The following MED12L variants were observed in gnomAD, a reference collection of about 807,000 sequenced individuals.
The protein encoded by MED12L is mediator of RNA polymerase II transcription subunit 12-like protein.
A neutral mutation model predicts 281.3 loss-of-function variants in MED12L; 60 were observed. The observed-to-expected ratio is 0.21, with a 90% CI of 0.17 to 0.26. The LOEUF (loss-of-function observed/expected upper bound fraction) is 0.26, where lower values mean the gene tolerates loss of function less well. MED12L is among the 10% of genes least tolerant of loss of function. MED12L has a pLI of 1.00. For missense variants in MED12L, 2,146 were observed against 2,680.9 expected (o/e 0.80, Z 4.41); for synonymous variants, 974 against 987.2 (o/e 0.99, Z 0.25).
At chr3:151,334,271 G>A (rs145474326) in intron 16 of MED12L, among the ~76,000 whole-genome samples, 167 of 131,752 alleles carry the variant, frequency 1.3e-3, no homozygotes, top group African/African-American at 3.8e-3. Flanking sequence ...AAAAAAAGGC[G>A]ATTTCTCACT....
intron 22 of MED12L, 54 bp downstream of exon 22, chr3:151,365,260 G>T: frequency 6.9e-7 from 1 of 1,451,798 alleles, no homozygotes; most frequent in Non-Finnish European, 9.7e-7. Context: ...TTGCCTTGGT[G>T]CTTCTTTGAA....
rs146810681 is a variant in MED12L at position 151,256,778 on chromosome 3, C to T, written c.2250+63112C>T. ...ATACAAGCAGAGCATTTTGTTAATA[C>T]TTTGTTAGTTCAGCTGACTGGTTAT... On this transcript the variant is annotated intron_variant, in intron 16 of 44. Transcript: ENST00000687756. 5.4e-3 allele frequency among the ~76,000 whole-genome samples: 768 copies of T among 142,028 alleles called. 12 individuals are homozygous for T. The highest frequency in any genetic ancestry group is 0.019 in the African/African-American group (716 of 38,190). The allele number at this position is 142,028 out of a possible 152,430, so 93.2% of individuals were successfully genotyped here.
At chr3:151,118,230 G>T (rs539159930) in intron 3 of MED12L, among the ~76,000 whole-genome samples, 9 of 151,648 alleles carry the variant, frequency 5.9e-5, no homozygotes, top group Admixed American at 1.3e-4. Flanking sequence ...CAAATGAAAA[G>T]AAATCAGACA....
In MED12L at chr3:151,369,559, T is replaced by G. The variant is rs767606974; in HGVS notation, c.3664+10T>G. 1 of 1,548,520 alleles carries G rather than the reference T, an allele frequency of 6.5e-7. No homozygotes were observed. Among genetic ancestry groups the G allele is most frequent in the Non-Finnish European group, 8.9e-7 (1 of 1,129,834 alleles). ...GCAATTATGATGCTTGGTAAGATTA[T>G]TCTGACCCTAAGCTTCTTGGTTAAT... On this transcript the variant is annotated intron_variant, in intron 26 of 44. Transcript: ENST00000687756.
At chr3:151,176,630 G>A (rs1576894686) in intron 11 of MED12L, among the ~76,000 whole-genome samples, 3 of 151,198 alleles carry the variant, frequency 2.0e-5, no homozygotes, top group Admixed American at 6.6e-5. Flanking sequence ...TTATCTGGGT[G>A]GGTGGGGGTG....
At chr3:151,287,963 T>C (rs1378413457) in intron 16 of MED12L, among the ~76,000 whole-genome samples, 1 of 152,196 alleles carries the variant, frequency 6.6e-6, no homozygotes, top group Non-Finnish European at 1.5e-5. Flanking sequence ...CAGAAAAAGT[T>C]TACCCTTTAT....
In MED12L at chr3:151,303,481, G is replaced by A. The variant is rs185036634; in HGVS notation, c.2251-46578G>A. 6.9e-4 allele frequency among the ~76,000 whole-genome samples: 105 copies of A among 152,254 alleles called. 1 individual carries two copies. The South Asian group carries it at 0.01, about 15-fold the overall frequency. ...TTGTTCAAGATGAAACTGCACAGTCGGCCATGCATGGTGGCTCACGCCTGT... is the reference window on the plus strand; with the variant it reads ...TTGTTCAAGATGAAACTGCACAGTCAGCCATGCATGGTGGCTCACGCCTGT... On this transcript the variant is annotated intron_variant, in intron 16 of 44. Transcript: ENST00000687756.
chr3:151,214,479 A>G, intron 16 of MED12L: 1 of 565,038 alleles, frequency 1.8e-6, no homozygotes, highest in Non-Finnish European at 3.1e-6. Context: ...TGTAAGTTAG[A>G]CACTCATCCC....
At chr3:151,364,194 A>T (rs979348910) in intron 21 of MED12L, among the ~76,000 whole-genome samples, 2 of 152,184 alleles carry the variant, frequency 1.3e-5, no homozygotes, top group African/African-American at 4.8e-5. Context: ...TTTTACATCA[A>T]ATCTTTCTGC....
intron 27 of MED12L, among the ~76,000 whole-genome samples, chr3:151,373,597 A>G (rs1370894413): frequency 6.6e-6 from 1 of 151,116 alleles, no homozygotes; most frequent in Non-Finnish European, 1.5e-5. Flanking sequence ...TCCCTTCATA[A>G]TATCAGTTTG....
chr3:151,175,263 T>C (rs1189899077), intron 11 of MED12L, among the ~76,000 whole-genome samples: 1 of 152,248 alleles, frequency 6.6e-6, no homozygotes, highest in Non-Finnish European at 1.5e-5. Context: ...TATTATTTAT[T>C]GGTGCTGTAA....
At chr3:151,320,206 T>A (rs1207984413) in intron 16 of MED12L, among the ~76,000 whole-genome samples, 6 of 152,200 alleles carry the variant, frequency 3.9e-5, no homozygotes, top group African/African-American at 7.2e-5. Flanking sequence ...TTTTTCTGTA[T>A]CACTAATCTC....
intron 16 of MED12L, chr3:151,214,374 C>T (rs1272877104): frequency 4.4e-6 from 6 of 1,378,712 alleles, no homozygotes; most frequent in Non-Finnish European, 6.0e-6. Context: ...ACTCATAGGG[C>T]ACTTATGGCC....
chr3:151,215,506 AATTAC>A (rs1379132781), intron 16 of MED12L, among the ~76,000 whole-genome samples: 70 of 152,318 alleles, frequency 4.6e-4, no homozygotes, highest in Middle Eastern at 3.4e-3. Context: ...GGAAATTTTA[AATTAC>A]ATATGTGTTT....
intron 11 of MED12L, among the ~76,000 whole-genome samples, chr3:151,171,367 G>A (rs935936371): frequency 6.6e-6 from 1 of 152,122 alleles, no homozygotes; most frequent in East Asian, 1.9e-4. Context: ...TGAGCACGGA[G>A]GCAGCTGCAT....
At chr3:151,161,623 G>A (rs143920107) in intron 8 of MED12L, among the ~76,000 whole-genome samples, 160 of 152,270 alleles carry the variant, frequency 1.1e-3, no homozygotes, top group Non-Finnish European at 1.6e-3. Flanking sequence ...TCTAGGCATC[G>A]TTCTAAGTTG....
chr3:151,183,956 G>T (rs1277589210), intron 11 of MED12L, among the ~76,000 whole-genome samples: 1 of 152,166 alleles, frequency 6.6e-6, no homozygotes, highest in Non-Finnish European at 1.5e-5. Flanking sequence ...GTCCTTCACT[G>T]GATTGACTTT....
intron 37 of MED12L, 100 bp from the exon 38 acceptor site, chr3:151,389,879 G>A: frequency 8.9e-7 from 1 of 1,124,824 alleles, no homozygotes; most frequent in Non-Finnish European, 1.3e-6. Flanking sequence ...TTTGTACATT[G>A]GGATAGGAGG....
At position 151,159,998 on chromosome 3, in the gene MED12L, G is replaced by C. The variant is rs1719773653; in HGVS notation, c.1004G>C (p.Gly335Ala). Residue 335 changes from glycine (G) to alanine (A), a missense_variant, in exon 8 of 45, where the codon GGC becomes GCC. By Grantham distance (60) the Gly-to-Ala change is moderately conservative. Transcript: ENST00000687756. ...TCGAGTATCGGGGCCCCCAGCCCTG[G>C]CCCCCCCGGCCCTGGCATGAGCCCC... ...NNSSIGAPSP[G>A]PPGPGMSPVQ... 2 of 1,613,818 alleles carry C rather than the reference G, an allele frequency of 1.2e-6. No homozygotes were observed. Among genetic ancestry groups the C allele is most frequent in the Non-Finnish European group, 8.5e-7 (1 of 1,179,826 alleles).
Sources: gnomAD v4.1 joint callset for allele counts (sites outside exome capture counted in the v4.1 genomes callset) on GRCh38, gnomAD v4.1.1 for gene constraint, MANE v1.5 for transcripts, NCBI Gene and HGNC (gene_info 2026-07-23, HGNC 2026-07-21) for gene names.